The following PSD3 variants were observed in gnomAD, a reference collection of about 807,000 sequenced individuals.
The protein encoded by PSD3 is PH and SEC7 domain-containing protein 3.
A neutral mutation model predicts 105.5 loss-of-function variants in PSD3; 49 were observed. The observed-to-expected ratio is 0.46, with a 90% CI of 0.37 to 0.59. PSD3 has a LOEUF of 0.59. Ranked by LOEUF, PSD3 falls within the 20% of genes least tolerant of loss-of-function variation. The probability of loss-of-function intolerance (pLI) is 0.00; values close to 1 mark genes in which losing one functional copy is unlikely to be tolerated. For missense variants in PSD3, 1,561 were observed against 1,263.8 expected, an observed-to-expected ratio of 1.24 and a Z score of -3.57; for synonymous variants, 557 against 457.8, an observed-to-expected ratio of 1.22 and a Z score of -2.77.
intron 9 of PSD3, among the ~76,000 whole-genome samples, chr8:18,662,464 T>G (rs568867799): frequency 1.3e-5 from 2 of 152,216 alleles, no homozygotes; most frequent in African/African-American, 4.8e-5. Context: ...GTATCTAATA[T>G]GTGACATTAT....
At chr8:19,042,137 CT>C (rs1466918041) in intron 1 of PSD3, among the ~76,000 whole-genome samples, 2 of 152,084 alleles carry the variant, frequency 1.3e-5, no homozygotes, top group Non-Finnish European at 2.9e-5. Flanking sequence ...GAACATGTGG[CT>C]TTTAAAACGT....
At chr8:18,965,492 C>A (rs151279390) in intron 1 of PSD3, among the ~76,000 whole-genome samples, 1 of 152,192 alleles carries the variant, frequency 6.6e-6, no homozygotes, top group African/African-American at 2.4e-5. Context: ...GCATCACACA[C>A]GCTAGTGAGA....
chr8:18,940,945 G>A (rs764250032), intron 1 of PSD3, among the ~76,000 whole-genome samples: 8 of 152,118 alleles, frequency 5.3e-5, no homozygotes, highest in Non-Finnish European at 4.4e-5. Context: ...GCACTGGGGG[G>A]TTATTCTTAC....
At position 18,529,652 on chromosome 8, in the gene PSD3, G is replaced by A. The variant is rs923474279; in HGVS notation, c.*6091C>T. The A allele has an allele frequency of 6.6e-6, 1 of 152,484 alleles. No homozygotes were observed. Among genetic ancestry groups the A allele is most frequent in the Non-Finnish European group, 1.5e-5 (1 of 68,010 alleles). The allele number at this position is 152,484 out of a possible 1,614,324, so 9.4% of individuals were successfully genotyped here. A position where few individuals can be genotyped will look rare whatever the true frequency, so the allele number is the denominator to read the frequency against. On this transcript the variant is annotated 3_prime_UTR_variant, in exon 16 of 16. Transcript: ENST00000327040. ...TATCTTAACAGCATTAAAAATCAAT[G>A]TGCATATATATACTCTCTCTAGAGT... is the stretch of plus-strand genomic sequence containing the variant.
intron 10 of PSD3, among the ~76,000 whole-genome samples, chr8:18,646,949 T>C (rs574324299): frequency 6.6e-5 from 10 of 152,292 alleles, no homozygotes; most frequent in African/African-American, 1.2e-4. Flanking sequence ...ATTTAGGCCA[T>C]TGGGTTGAAT....
At chr8:19,007,256 AAAAT>A (rs35991603) in intron 1 of PSD3, among the ~76,000 whole-genome samples, 53,021 of 149,720 alleles carry the variant, frequency 0.35, 11,025 homozygotes, top group Middle Eastern at 0.58. Context: ...TGTCTCAAAA[AAAAT>A]AAATAGAGAG....
intron 1 of PSD3, among the ~76,000 whole-genome samples, chr8:19,032,649 C>T (rs1231977131): frequency 9.2e-6 from 1 of 108,296 alleles, no homozygotes. Context: ...GACTCTGTCT[C>T]AAAAAAAAAA....
intron 9 of PSD3, among the ~76,000 whole-genome samples, chr8:18,720,491 G>C (rs931066935): frequency 6.6e-6 from 1 of 152,142 alleles, no homozygotes; most frequent in South Asian, 2.1e-4. Flanking sequence ...CATATCCTCA[G>C]ACTACCTGGA....
chr8:18,952,373 T>A (rs1341090048), intron 1 of PSD3, among the ~76,000 whole-genome samples: 2 of 144,672 alleles, frequency 1.4e-5, no homozygotes, highest in Admixed American at 1.3e-4. Context: ...GACTTGTTTC[T>A]GGGGAAAAAT....
At chr8:18,922,462 G>A (rs1821085607) in intron 2 of PSD3, among the ~76,000 whole-genome samples, 1 of 152,152 alleles carries the variant, frequency 6.6e-6, no homozygotes, top group South Asian at 2.1e-4. Flanking sequence ...CTAAACGGAA[G>A]TGCTTTTCCT....
intron 4 of PSD3, among the ~76,000 whole-genome samples, chr8:18,811,753 C>T (rs912735661): frequency 2.0e-5 from 3 of 152,152 alleles, no homozygotes; most frequent in Non-Finnish European, 4.4e-5. Flanking sequence ...GCCAGAGTGG[C>T]TGGGGCAGAG....
At chr8:18,880,310 G>GCATTCAGCA (rs1279205498) in intron 2 of PSD3, among the ~76,000 whole-genome samples, 1 of 152,004 alleles carries the variant, frequency 6.6e-6, no homozygotes, top group East Asian at 1.9e-4. Context: ...ATTCATTCAC[G>GCATTCAGCA]CATTCAGCAA....
chr8:19,047,954 A>G (rs972885604), intron 1 of PSD3, among the ~76,000 whole-genome samples: 2 of 151,804 alleles, frequency 1.3e-5, no homozygotes, highest in Non-Finnish European at 2.9e-5. Flanking sequence ...TTTTTTTTTA[A>G]TGAAGCAGCA....
At chr8:18,913,079 AC>A (rs1820345987) in intron 2 of PSD3, among the ~76,000 whole-genome samples, 1 of 123,002 alleles carries the variant, frequency 8.1e-6, no homozygotes, top group African/African-American at 3.1e-5. Flanking sequence ...ACACACACAC[AC>A]ACACAAACAC....
Position 19,040,380 on chromosome 8 carries a change from T to C in PSD3, c.324+43826A>G, listed in dbSNP as rs535392562. Among the ~76,000 whole-genome samples the C allele has an allele frequency of 8.1e-4, 124 of 152,202 alleles. 2 individuals carry two copies. The highest frequency in any genetic ancestry group is 2.9e-3 in the African/African-American group (121 of 41,538). The stretch of plus-strand genomic sequence containing the variant: ...CCACCACCCCTGGCTAATTTTTGTA[T>C]GTTTTGTAGAGACGGGGGTCTTGCC... On this transcript the variant is annotated intron_variant, in intron 1 of 1. Transcript: ENST00000521475.
chr8:18,601,341 A>T (rs182451277), intron 11 of PSD3, among the ~76,000 whole-genome samples: 1 of 149,366 alleles, frequency 6.7e-6, no homozygotes, highest in African/African-American at 2.4e-5. Context: ...TTTTCTAAAC[A>T]TGTCTGCTGA....
intron 11 of PSD3, among the ~76,000 whole-genome samples, chr8:18,625,689 G>A (rs761488723): frequency 6.6e-6 from 1 of 152,060 alleles, no homozygotes; most frequent in African/African-American, 2.4e-5. Context: ...TATTAGTTTG[G>A]TATAATCAGA....
In PSD3 at chr8:18,535,636, G is replaced by T. The variant is rs572256060; in HGVS notation, c.*107C>A. 6 of 939,264 alleles carry T rather than the reference G, an allele frequency of 6.4e-6. No homozygotes were observed. The South Asian group carries it at 9.5e-5, about 15-fold the overall frequency. The allele number at this position is 939,264 out of a possible 1,614,324, so 58.2% of individuals were successfully genotyped here. A position where few individuals can be genotyped will look rare whatever the true frequency, so the allele number is the denominator to read the frequency against. ...CAATAGAAAAAATTACTAATGCACC[G>T]TTTTGTCACAGACTTTTTTTTTTTA... is the stretch of plus-strand genomic sequence containing the variant. On this transcript the variant is annotated 3_prime_UTR_variant, in exon 16 of 16. Transcript: ENST00000327040.
intron 9 of PSD3, among the ~76,000 whole-genome samples, chr8:18,658,565 C>G (rs986304807): frequency 6.7e-6 from 1 of 150,134 alleles, no homozygotes; most frequent in African/African-American, 2.5e-5. Flanking sequence ...CTTGGTCACC[C>G]GGGCTGGAGT....
Sources: gnomAD v4.1 joint callset for allele counts (sites outside exome capture counted in the v4.1 genomes callset) on GRCh38, gnomAD v4.1.1 for gene constraint, MANE v1.5 for transcripts, NCBI Gene and HGNC (gene_info 2026-07-23, HGNC 2026-07-21) for gene names.